The following SPECC1 variants were observed in gnomAD, a reference collection of about 807,000 sequenced individuals.
SPECC1 encodes sperm antigen with calponin homology and coiled-coil domains 1.
Under a neutral mutation model 104.1 loss-of-function variants are expected in SPECC1, and 62 were observed. The ratio of observed to expected loss-of-function variants is 0.60; its 90% CI spans 0.49 to 0.74. The LOEUF (loss-of-function observed/expected upper bound fraction) is 0.74, where lower values mean the gene tolerates loss of function less well. Ranked by LOEUF, SPECC1 falls within the 30% of genes least tolerant of loss-of-function variation. The probability of loss-of-function intolerance (pLI) is 0.00; values close to 1 mark genes in which losing one functional copy is unlikely to be tolerated. For synonymous variants in SPECC1, 513 were observed against 501.6 expected (o/e 1.02, Z -0.30); for missense variants, 1,306 against 1,310.5 (o/e 1.00, Z 0.05).
intron 4 of SPECC1, among the ~76,000 whole-genome samples, chr17:20,215,635 A>G (rs191434578): frequency 6.6e-6 from 1 of 152,368 alleles, no homozygotes; most frequent in Non-Finnish European, 1.5e-5. Context: ...TCTCATAGCC[A>G]GGGCATAATT....
At chr17:20,085,516 T>G (rs1449873809) in intron 1 of SPECC1, among the ~76,000 whole-genome samples, 1 of 152,226 alleles carries the variant, frequency 6.6e-6, no homozygotes, top group Non-Finnish European at 1.5e-5. Flanking sequence ...TTATCCGTCG[T>G]ATTTGTGGTT....
At chr17:20,182,616 A>G (rs187795344) in intron 3 of SPECC1, among the ~76,000 whole-genome samples, 67 of 152,322 alleles carry the variant, frequency 4.4e-4, no homozygotes, top group Non-Finnish European at 7.9e-4. Context: ...ATGTATACCT[A>G]CAGGAAGAAT....
intron 3 of SPECC1, among the ~76,000 whole-genome samples, chr17:20,111,032 A>G (rs1597725249): frequency 6.6e-6 from 1 of 152,220 alleles, no homozygotes; most frequent in Non-Finnish European, 1.5e-5. Context: ...GGCAGTGGCA[A>G]CAGGAAGCTG....
chr17:20,120,700 CAATT>C (rs2048984912), intron 3 of SPECC1, among the ~76,000 whole-genome samples: 2 of 152,072 alleles, frequency 1.3e-5, no homozygotes, highest in Non-Finnish European at 2.9e-5. Context: ...TATTTTATTT[CAATT>C]GTATTAATTT....
rs2043851708 is a variant in SPECC1 at position 20,009,388 on chromosome 17, C to G, written c.-58C>G. ...ATCAGTGAGCGCCCGGAGCCGTGGC[C>G]GCTGGGGGTTGCGGCGGCGCTGAGC... On this transcript the variant is annotated 5_prime_UTR_variant, in exon 1 of 15. Transcript: ENST00000395527. The surrounding 1 kb of genome is among the most constrained non-coding windows in gnomAD (Gnocchi z 5.2). 1 of 152,090 alleles carries G rather than the reference C, an allele frequency of 6.6e-6. No individual in the cohort carries two copies. The highest frequency in any genetic ancestry group is 2.4e-5 in the African/African-American group (1 of 41,426). 9.4% of individuals were successfully genotyped at this position (152,090 alleles called of 1,614,324 possible). A position where few individuals can be genotyped will look rare whatever the true frequency, so the allele number is the denominator to read the frequency against.
intron 1 of SPECC1, among the ~76,000 whole-genome samples, chr17:20,044,073 G>T (rs1425583397): frequency 6.6e-6 from 1 of 152,058 alleles, no homozygotes; most frequent in Admixed American, 6.6e-5. Context: ...CCTAAGCTGT[G>T]CATCATAGAA....
At chr17:20,187,251 A>G (rs2035343556) in intron 3 of SPECC1, among the ~76,000 whole-genome samples, 1 of 152,166 alleles carries the variant, frequency 6.6e-6, no homozygotes, top group Non-Finnish European at 1.5e-5. Flanking sequence ...TGGTCAGACC[A>G]CATTTTGAAC....
chr17:20,144,829 A>C (rs1469307134), intron 3 of SPECC1, among the ~76,000 whole-genome samples: 1 of 152,212 alleles, frequency 6.6e-6, no homozygotes, highest in Non-Finnish European at 1.5e-5. Flanking sequence ...CAGATAATAG[A>C]GGTGTCACAC....
At chr17:20,154,794 C>T (rs149153046) in intron 3 of SPECC1, among the ~76,000 whole-genome samples, 3 of 152,106 alleles carry the variant, frequency 2.0e-5, no homozygotes, top group Non-Finnish European at 2.9e-5. Flanking sequence ...CGGCTTGGAT[C>T]GGGGGTAGCA....
intron 4 of SPECC1, among the ~76,000 whole-genome samples, chr17:20,221,599 C>T (rs138859333): frequency 6.6e-6 from 1 of 152,070 alleles, no homozygotes; most frequent in African/African-American, 2.4e-5. Context: ...TTTTCAAAAA[C>T]CAACTTTTTG....
intron 1 of SPECC1, among the ~76,000 whole-genome samples, chr17:20,046,589 C>A (rs915647790): frequency 1.6e-4 from 25 of 152,006 alleles, no homozygotes; most frequent in African/African-American, 6.0e-4. Context: ...AGAACAAGTG[C>A]TAAATTGTAA....
chr17:20,149,921 G>A (rs1230520940), intron 3 of SPECC1, among the ~76,000 whole-genome samples: 1 of 152,146 alleles, frequency 6.6e-6, no homozygotes, highest in African/African-American at 2.4e-5. Flanking sequence ...CTCAACAAAT[G>A]TTAAGAATTA....
chr17:20,155,197 C>T (rs10438824), intron 3 of SPECC1: 36,302 of 152,242 alleles, frequency 0.24, 5,560 homozygotes, highest in Middle Eastern at 0.34. Flanking sequence ...GAAGAGGCTT[C>T]TAGGGGAGTG....
chr17:20,051,072 CT>C (rs57763736), intron 1 of SPECC1, among the ~76,000 whole-genome samples: 22 of 57,116 alleles, frequency 3.9e-4, no homozygotes, highest in African/African-American at 1.2e-3. Flanking sequence ...CTTTCTTTTT[CT>C]TTCTTTCTTT....
intron 1 of SPECC1, among the ~76,000 whole-genome samples, chr17:20,026,549 G>A (rs1296843319): frequency 1.3e-5 from 2 of 150,392 alleles, no homozygotes; most frequent in Non-Finnish European, 2.9e-5. Context: ...ATCTTTTTGT[G>A]CTTTACTTAT....
intron 1 of SPECC1, among the ~76,000 whole-genome samples, chr17:20,082,191 T>C (rs1416870606): frequency 1.3e-5 from 2 of 152,170 alleles, no homozygotes; most frequent in Non-Finnish European, 2.9e-5. Flanking sequence ...TGGAATGCCC[T>C]CTCCTCCAGT....
chr17:20,155,870 C>T (rs1257401313), intron 3 of SPECC1: 68 of 1,079,476 alleles, frequency 6.3e-5, no homozygotes, highest in Non-Finnish European at 7.7e-5. Flanking sequence ...GAAGGAAATA[C>T]AGATGAGGTG....
In SPECC1 at chr17:20,051,133, T is replaced by TTTCTTTCCTTCTTTCTTTCCTTCTTTCC. The variant is rs2045757119; in HGVS notation, c.-22+41724_-22+41725insTTTCCTTCTTTCCTTCTTTCCTTCTTTC. Among the ~76,000 whole-genome samples the TTTCTTTCCTTCTTTCTTTCCTTCTTTCC allele has an allele frequency of 2.3e-3, 96 of 40,914 alleles. 1 individual carries two copies. The highest frequency in any genetic ancestry group is 7.3e-3 in the African/African-American group (94 of 12,848). 26.8% of individuals were successfully genotyped at this position (40,914 alleles called of 152,430 possible). A position where few individuals can be genotyped will look rare whatever the true frequency, so the allele number is the denominator to read the frequency against. On this transcript the variant is annotated intron_variant, in intron 1 of 14. Coordinates refer to ENST00000395527, the MANE Select transcript of SPECC1 (RefSeq NM_001243439.2). Reference sequence around the variant, plus strand: ...CTTTCTTTCTTTCTTTCTTTCTTTCTTTCTTTCCTTCTTTCCTTCTTTCCT... The same window carrying TTTCTTTCCTTCTTTCTTTCCTTCTTTCC: ...CTTTCTTTCTTTCTTTCTTTCTTTCTTTCTTTCCTTCTTTCTTTCCTTCTTTCCTTCTTTCCTTCTTTCCTTCTTTCCT...
intron 1 of SPECC1, among the ~76,000 whole-genome samples, chr17:20,043,329 C>A (rs1337230639): frequency 6.6e-6 from 1 of 152,082 alleles, no homozygotes; most frequent in African/African-American, 2.4e-5. Flanking sequence ...ATGTGAGCAT[C>A]CTCTTCCCAA....
Sources: allele counts gnomAD v4.1 joint callset (sites outside exome capture counted in the v4.1 genomes callset), GRCh38; gene constraint gnomAD v4.1.1; non-coding constraint Gnocchi (gnomAD v3.1); transcripts MANE v1.5; gene names NCBI Gene and HGNC (gene_info 2026-07-23, HGNC 2026-07-21).